Variants in CLCA2 observed in about 807,000 individuals in gnomAD.
CLCA2 encodes the protein calcium-activated chloride channel regulator 2.
A neutral mutation model predicts 82.9 loss-of-function variants in CLCA2; 85 were observed. The ratio of observed to expected loss-of-function variants is 1.03; its 90% CI spans 0.86 to 1.23. The LOEUF (loss-of-function observed/expected upper bound fraction) is 1.23, where lower values mean the gene tolerates loss of function less well. Ranked by LOEUF, CLCA2 falls within the 50% of genes most tolerant of loss-of-function variation. The probability of loss-of-function intolerance (pLI) is 0.00; values close to 1 mark genes in which losing one functional copy is unlikely to be tolerated. For synonymous variants in CLCA2, 421 were observed against 391.7 expected, an observed-to-expected ratio of 1.07 and a Z score of -0.88; for missense variants, 1,089 against 1,124.8, an observed-to-expected ratio of 0.97 and a Z score of 0.45.
intron 13 of CLCA2, among the ~76,000 whole-genome samples, chr1:86,454,409 C>A (rs1014695854): frequency 3.9e-5 from 6 of 152,100 alleles, no homozygotes; most frequent in African/African-American, 9.7e-5. Context: ...ATTTTTTAGA[C>A]TTTATATGCT....
intron 12 of CLCA2, among the ~76,000 whole-genome samples, chr1:86,451,037 G>A (rs1662952565): frequency 6.6e-6 from 1 of 152,144 alleles, no homozygotes; most frequent in South Asian, 2.1e-4. Context: ...GGTTTTCTCA[G>A]TTCCTGCTTC....
In CLCA2 at chr1:86,443,999, A is replaced by G; in HGVS notation, c.1701A>G (p.Pro567=). 6.2e-7 allele frequency: 1 copy of G among 1,607,406 alleles called. No homozygotes were observed. Among genetic ancestry groups the G allele is most frequent in the Admixed American group, 1.7e-5 (1 of 59,988 alleles). ...TTCGGACAGCTAGTCTTTGGATTCC[A>G]GGAACAGCTAAGGTAGGTGTTGTGA... is the stretch of plus-strand genomic sequence containing the variant. ...LTFRTASLWI[P]GTAKPGHWTY... is the part of the protein sequence containing the mutation. The change falls in exon 10 of 14, where the codon CCA becomes CCG. Residue 567 remains proline, a synonymous_variant. Transcript: ENST00000370565.
chr1:86,443,746 G>A, intron 9 of CLCA2, 41 bp from the exon 10 acceptor site: 1 of 1,399,980 alleles, frequency 7.1e-7, no homozygotes, highest in Non-Finnish European at 1.0e-6. Context: ...GAATGATTAT[G>A]CATACACCAG....
intron 11 of CLCA2, among the ~76,000 whole-genome samples, chr1:86,448,684 T>C (rs1367148507): frequency 2.6e-5 from 4 of 152,256 alleles, no homozygotes; most frequent in Admixed American, 2.6e-4. Flanking sequence ...AGCCCATCAG[T>C]ATCTTGCCAT....
chr1:86,451,770 TCA>T (rs1229516270), intron 12 of CLCA2, among the ~76,000 whole-genome samples: 1 of 152,176 alleles, frequency 6.6e-6, no homozygotes, highest in Non-Finnish European at 1.5e-5. Context: ...TCTGTGTGTC[TCA>T]GTTTCATCAT....
intron 11 of CLCA2, chr1:86,448,276 C>G (rs1410729380): frequency 6.3e-6 from 1 of 158,080 alleles, no homozygotes; most frequent in Non-Finnish European, 1.4e-5. Flanking sequence ...GACCCTAGAC[C>G]CAAGAGGCTG....
At position 86,428,634 on chromosome 1, in the gene CLCA2, T is replaced by C. The variant is rs1475666365; in HGVS notation, c.475+66T>C. The stretch of plus-strand genomic sequence containing the variant: ...ACTTATAATATTCTGTGCTTGGTGC[T>C]GAAAGGGACTCACTCACAAAACCTG... On this transcript the variant is annotated intron_variant, in intron 3 of 13. Transcript: ENST00000370565. 3 of 1,538,796 alleles carry C rather than the reference T, an allele frequency of 1.9e-6. No homozygotes were observed. In the African/African-American group the frequency reaches 4.1e-5, roughly 21 times the overall value.
intron 7 of CLCA2, 111 bp downstream of exon 7, chr1:86,439,217 C>T: frequency 1.4e-5 from 12 of 878,088 alleles, no homozygotes; most frequent in Non-Finnish European, 2.2e-5. Flanking sequence ...TCATAACAGC[C>T]TCAACTATGA....
Position 86,447,781 on chromosome 1 carries a change from A to G in CLCA2, c.1984+3A>G, listed in dbSNP as rs773231492. 1.9e-6 allele frequency: 3 copies of G among 1,610,124 alleles called. No individual in the cohort carries two copies. Among genetic ancestry groups the G allele is most frequent in the East Asian group, 4.5e-5 (2 of 44,828 alleles). The stretch of plus-strand genomic sequence containing the variant: ...GAGACTCCTTGATGATGGAGCAGGT[A>G]ACAAGGAATGTCATGACATTTTATC... On this transcript the variant is annotated splice_donor_region_variant and intron_variant, in intron 11 of 13. Transcript: ENST00000370565.
At chr1:86,453,335 G>A (rs750402545) in intron 12 of CLCA2, 34 bp from the exon 13 acceptor site, 3 of 1,550,684 alleles carry the variant, frequency 1.9e-6, no homozygotes, top group South Asian at 2.3e-5. Flanking sequence ...TTTGTAATTT[G>A]TCATTTTGCC....
chr1:86,424,325 C>T lies in CLCA2; in HGVS notation c.78C>T (p.Leu26=), dbSNP rs753393907. ...VTLLVALSSE[L]PFLGAGVQLQ... ...TCCTGGTTGCCTTAAGTTCAGAACTCCCATTCCTGGGAGCTGGAGTACAGC... is the reference window on the plus strand; with the variant it reads ...TCCTGGTTGCCTTAAGTTCAGAACTTCCATTCCTGGGAGCTGGAGTACAGC... The change falls in exon 1 of 14, where the codon CTC becomes CTT. Residue 26 remains leucine, a synonymous_variant. Transcript: ENST00000370565. The T allele has an allele frequency of 8.1e-6, 13 of 1,613,878 alleles. No individual in the cohort carries two copies. The highest frequency in any genetic ancestry group is 6.7e-5 in the Admixed American group (4 of 59,984).
chr1:86,447,869 T>A, intron 11 of CLCA2, 91 bp downstream of exon 11: 1 of 1,333,642 alleles, frequency 7.5e-7, no homozygotes, highest in East Asian at 2.5e-5. Flanking sequence ...TCTGTAAGAT[T>A]CCTTGAGTTC....
Position 86,453,394 on chromosome 1 carries a change from G to A in CLCA2, c.2181G>A (p.Arg727=). Residue 727 remains arginine, a synonymous_variant, in exon 13 of 14, where the codon AGG becomes AGA. Coordinates refer to ENST00000370565, the MANE Select transcript of CLCA2 (RefSeq NM_006536.7). ...GTAATATTCAGATGAATGCTCCAAG[G>A]AAATCAGTAGGCAGAAATGAGGAGG... ...ANGNIQMNAP[R]KSVGRNEEER... 1 of 1,614,032 alleles carries A rather than the reference G, an allele frequency of 6.2e-7. No individual in the cohort carries two copies. Among genetic ancestry groups the A allele is most frequent in the Non-Finnish European group, 8.5e-7 (1 of 1,180,006 alleles).
At chr1:86,431,042 A>T in intron 4 of CLCA2, 72 bp downstream of exon 4, 3 of 1,037,194 alleles carry the variant, frequency 2.9e-6, no homozygotes, top group Non-Finnish European at 4.3e-6. Context: ...TAAGCAATTA[A>T]ATAATTGCCT....
chr1:86,445,397 C>T (rs1662830516), intron 10 of CLCA2: 1 of 117,068 alleles, frequency 8.5e-6, no homozygotes, highest in East Asian at 2.6e-4. Context: ...AGAAGATTCG[C>T]ATTTATTCCA....
At chr1:86,438,461 A>T (rs905449618) in intron 6 of CLCA2, among the ~76,000 whole-genome samples, 2 of 152,204 alleles carry the variant, frequency 1.3e-5, no homozygotes, top group East Asian at 3.9e-4. Flanking sequence ...GGGGCAGATC[A>T]TGGGTCCTCT....
intron 3 of CLCA2, among the ~76,000 whole-genome samples, chr1:86,430,289 G>A (rs1662468983): frequency 6.6e-6 from 1 of 152,116 alleles, no homozygotes. Flanking sequence ...TGGAGAATAA[G>A]GGATAAAATA....
At position 86,455,275 on chromosome 1, in the gene CLCA2, CA is replaced by C; in HGVS notation, c.2581del (p.Arg861GlufsTer43). The C allele has an allele frequency of 3.7e-6, 6 of 1,614,124 alleles. No individual in the cohort carries two copies. Among genetic ancestry groups the C allele is most frequent in the Non-Finnish European group, 5.1e-6 (6 of 1,180,004 alleles). On this transcript the variant is annotated frameshift_variant, in exon 14 of 14. Transcript: ENST00000370565. LOFTEE classifies it low-confidence loss of function (END_TRUNC). ...QPNGETHESH[R>X]IYVAIRAMDR... ...CAAATGGAGAAACACATGAAAGCCA[CA>C]GAATTTATGTTGCAATACGAGCAAT...
At chr1:86,425,256 T>C in intron 1 of CLCA2, 83 bp from the exon 2 acceptor site, 1 of 976,022 alleles carries the variant, frequency 1.0e-6, no homozygotes, top group Non-Finnish European at 1.5e-6. Context: ...CATTGTCTTT[T>C]ATTACTGTTT....
Sources: allele counts gnomAD v4.1 joint callset (sites outside exome capture counted in the v4.1 genomes callset), GRCh38; gene constraint gnomAD v4.1.1; transcripts MANE v1.5; gene names NCBI Gene and HGNC (gene_info 2026-07-23, HGNC 2026-07-21).